Variants in MYO3A observed in about 807,000 individuals in gnomAD.
MYO3A encodes the protein myosin IIIA.
MYO3A carries 180 observed loss-of-function variants against 192.7 expected under a neutral mutation model. The observed-to-expected ratio is 0.93, with a 90% CI of 0.83 to 1.06. MYO3A has a LOEUF of 1.06. MYO3A is among the 50% of genes least tolerant of loss of function. MYO3A has a pLI of 0.00. For missense variants in MYO3A, 1,896 were observed against 1,905.0 expected, an observed-to-expected ratio of 1.00 and a Z score of 0.09; for synonymous variants, 628 against 645.3, an observed-to-expected ratio of 0.97 and a Z score of 0.41.
In MYO3A at chr10:26,173,709, G is replaced by A. The variant is rs1254656391; in HGVS notation, c.3445G>A (p.Glu1149Lys). The A allele has an allele frequency of 1.2e-6, 2 of 1,613,970 alleles. No individual in the cohort carries two copies. The highest frequency in any genetic ancestry group is 4.5e-5 in the East Asian group (2 of 44,874). The change falls in exon 30 of 35, where the codon GAA (glutamate) becomes AAA (lysine). Residue 1149 changes from glutamate to lysine, a missense_variant. Coordinates refer to ENST00000642920, the MANE Select transcript of MYO3A (RefSeq NM_017433.5). ...AGCAGAAAATGCAATCTCTGCTAAT[G>A]AAAGATTCATTTCAGCTCCAAATAA... is the stretch of plus-strand genomic sequence containing the variant. ...KQAENAISAN[E>K]RFISAPNNKG...
chr10:25,984,959 C>T (rs950853111), intron 4 of MYO3A, among the ~76,000 whole-genome samples: 4 of 152,078 alleles, frequency 2.6e-5, no homozygotes, highest in East Asian at 1.9e-4. Context: ...AGTCTGAGGC[C>T]GGGCTTGCTG....
At chr10:26,179,077 G>A (rs1330605285) in intron 31 of MYO3A, among the ~76,000 whole-genome samples, 4 of 133,176 alleles carry the variant, frequency 3.0e-5, no homozygotes, top group South Asian at 5.0e-4. Context: ...GGATTACACC[G>A]TGCCCAGCCT....
At chr10:26,004,315 A>G (rs933203814) in intron 6 of MYO3A, among the ~76,000 whole-genome samples, 1 of 152,118 alleles carries the variant, frequency 6.6e-6, no homozygotes, top group Non-Finnish European at 1.5e-5. Context: ...CAGTCAGGAG[A>G]TATACTGAGG....
chr10:26,034,625 C>T (rs1042180152), intron 10 of MYO3A, among the ~76,000 whole-genome samples: 1 of 152,044 alleles, frequency 6.6e-6, no homozygotes, highest in Non-Finnish European at 1.5e-5. Context: ...CATTAAAATA[C>T]ATGGCCATTT....
intron 2 of MYO3A, among the ~76,000 whole-genome samples, chr10:25,943,811 T>C (rs1343999286): frequency 6.6e-6 from 1 of 150,724 alleles, no homozygotes; most frequent in East Asian, 1.9e-4. Flanking sequence ...TGTGATTCTT[T>C]AGGATTTGGT....
intron 15 of MYO3A, among the ~76,000 whole-genome samples, chr10:26,095,066 C>T (rs750378327): frequency 1.3e-5 from 2 of 152,048 alleles, no homozygotes; most frequent in Non-Finnish European, 2.9e-5. Context: ...CAGGCTGCTC[C>T]GGAAGTTTGG....
At chr10:26,200,618 C>G (rs1262711222) in intron 32 of MYO3A, among the ~76,000 whole-genome samples, 1 of 152,094 alleles carries the variant, frequency 6.6e-6, no homozygotes, top group Non-Finnish European at 1.5e-5. Flanking sequence ...TGTTAGTGTT[C>G]GAATTGAAGT....
intron 7 of MYO3A, among the ~76,000 whole-genome samples, chr10:26,019,026 A>G (rs1842133092): frequency 6.6e-6 from 1 of 152,128 alleles, no homozygotes; most frequent in Admixed American, 6.6e-5. Flanking sequence ...TAACACATAC[A>G]ATATTCTGAT....
rs1442858325 is a variant in MYO3A, at chr10:26,168,759, G to A, written c.3159G>A (p.Lys1053=). The part of the protein sequence containing the change: ...YHVEQLNLMR[K]EAIDKLILIQ... ...TGGAGCAGTTAAATCTAATGCGAAA[G>A]GAAGCTATTGACAAGCTTATTTTGA... Residue 1053 remains lysine (K), a synonymous_variant, in exon 28 of 35, where the codon AAG becomes AAA. Transcript: ENST00000642920. 3 of 1,613,392 alleles carry A rather than the reference G, an allele frequency of 1.9e-6. No homozygotes were observed. The South Asian group carries it at 3.3e-5, about 18-fold the overall frequency.
intron 10 of MYO3A, among the ~76,000 whole-genome samples, chr10:26,066,299 A>G (rs117341455): frequency 0.1 from 15,785 of 152,170 alleles, 1,076 homozygotes; most frequent in Non-Finnish European, 0.16. Context: ...GGGCAAATCC[A>G]GATACTTAAG....
chr10:26,071,033 T>TG (rs1410386894), intron 14 of MYO3A, among the ~76,000 whole-genome samples: 1 of 151,638 alleles, frequency 6.6e-6, no homozygotes, highest in Non-Finnish European at 1.5e-5. Context: ...ATTTTTTTTT[T>TG]GGTGGGAATT....
At chr10:25,979,180 A>G (rs1231640730) in intron 4 of MYO3A, among the ~76,000 whole-genome samples, 1 of 152,200 alleles carries the variant, frequency 6.6e-6, no homozygotes, top group Non-Finnish European at 1.5e-5. Context: ...CTGCACTACA[A>G]GCCAACTCAG....
chr10:26,047,053 A>G (rs893656434), intron 10 of MYO3A, among the ~76,000 whole-genome samples: 7 of 152,170 alleles, frequency 4.6e-5, no homozygotes, highest in African/African-American at 1.4e-4. Context: ...TACTGATAGC[A>G]TTACCTGTTT....
intron 32 of MYO3A, among the ~76,000 whole-genome samples, chr10:26,198,238 T>C (rs191011658): frequency 6.6e-6 from 1 of 152,320 alleles, no homozygotes; most frequent in Admixed American, 6.5e-5. Context: ...GACTTGATGC[T>C]CTTTATCTCT....
chr10:26,045,340 T>C (rs1843575394), intron 10 of MYO3A, among the ~76,000 whole-genome samples: 1 of 151,690 alleles, frequency 6.6e-6, no homozygotes, highest in African/African-American at 2.4e-5. Flanking sequence ...TGACACTTAT[T>C]GTACCCCTAA....
intron 6 of MYO3A, among the ~76,000 whole-genome samples, chr10:26,006,320 A>C (rs1186852798): frequency 6.6e-6 from 1 of 152,212 alleles, no homozygotes; most frequent in Non-Finnish European, 1.5e-5. Flanking sequence ...AATTAAAAGA[A>C]CTAGAAAAGC....
intron 4 of MYO3A, among the ~76,000 whole-genome samples, chr10:25,972,569 G>A (rs750455544): frequency 9.2e-5 from 14 of 151,970 alleles, no homozygotes; most frequent in Non-Finnish European, 1.2e-4. Flanking sequence ...AGAAGTCTTC[G>A]TACTAAGTTC....
At chr10:26,117,211 C>T (rs1351745918) in intron 17 of MYO3A, among the ~76,000 whole-genome samples, 1 of 152,068 alleles carries the variant, frequency 6.6e-6, no homozygotes, top group Non-Finnish European at 1.5e-5. Flanking sequence ...TCAACCAATC[C>T]CTTAAACTTT....
chr10:26,202,218 A>T (rs1843707983), intron 33 of MYO3A, among the ~76,000 whole-genome samples: 1 of 152,242 alleles, frequency 6.6e-6, no homozygotes. Context: ...GCATGAGTGA[A>T]CACAGTTCTT....
Sources: gnomAD v4.1 joint callset for allele counts (sites outside exome capture counted in the v4.1 genomes callset) on GRCh38, gnomAD v4.1.1 for gene constraint, MANE v1.5 for transcripts, NCBI Gene and HGNC (gene_info 2026-07-23, HGNC 2026-07-21) for gene names.